CCR1: variants seen among roughly 807,000 people sequenced by gnomAD.
CCR1 encodes the protein C-C motif chemokine receptor 1.
A neutral mutation model predicts 0.3 loss-of-function variants in CCR1; 1 was observed. The observed-to-expected ratio is 3.70, with a 90% CI of 1.31 to 17.54. CCR1 has a LOEUF of 17.54. Ranked by LOEUF, CCR1 falls within the 30% of genes most tolerant of loss-of-function variation. The pLI is 0.11. For missense variants in CCR1, 349 were observed against 435.4 expected, an observed-to-expected ratio of 0.80 and a Z score of 1.77; for synonymous variants, 207 against 182.5, an observed-to-expected ratio of 1.13 and a Z score of -1.08.
rs201272937 is a variant in CCR1, at chr3:46,202,886, T to G, written c.*360A>C. On this transcript the variant is annotated 3_prime_UTR_variant, in exon 2 of 2. Transcript: ENST00000296140. The stretch of plus-strand genomic sequence containing the variant: ...GAGCCCACAGTCACCACTACTGGGT[T>G]TAATTGGTTTGTGCAAGCAATAGTG... 6 of 188,598 alleles carry G rather than the reference T, an allele frequency of 3.2e-5. No homozygotes were observed. Among genetic ancestry groups the G allele is most frequent in the Non-Finnish European group, 5.5e-5 (5 of 90,718 alleles). 11.7% of individuals were successfully genotyped at this position (188,598 alleles called of 1,614,324 possible).
Position 46,203,705 on chromosome 3 carries a change from C to T in CCR1, c.609G>A (p.Leu203=). 2 of 1,614,192 alleles carry T rather than the reference C, an allele frequency of 1.2e-6. No individual in the cohort carries two copies. The highest frequency in any genetic ancestry group is 1.7e-6 in the Non-Finnish European group (2 of 1,180,022). Reference sequence around the variant, plus strand: ...AAGGCAATACCAGCCCAAAGAGGTTCAGTTTCAGAGCCTGAAACAGCTTCC... The same window carrying T: ...AAGGCAATACCAGCCCAAAGAGGTTTAGTTTCAGAGCCTGAAACAGCTTCC... ...REWKLFQALK[L]NLFGLVLPLL... Residue 203 remains leucine, a synonymous_variant, in exon 2 of 2, where the codon CTG becomes CTA. Coordinates refer to ENST00000296140, the MANE Select transcript of CCR1 (RefSeq NM_001295.3). The surrounding 1 kb of genome is among the most constrained non-coding windows in gnomAD (Gnocchi z 4.5).
rs558000234 is a variant in CCR1 at position 46,204,221 on chromosome 3, G to T, written c.93C>A (p.Ala31=). The part of the protein sequence containing the change: ...ATPCQKVNER[A]FGAQLLPPLY... ...GAGGGGGCAGCAGTTGGGCCCCAAAGGCCCTCTCGTTCACCTTCTGGCACG... is the reference window on the plus strand; with the variant it reads ...GAGGGGGCAGCAGTTGGGCCCCAAATGCCCTCTCGTTCACCTTCTGGCACG... The change falls in exon 2 of 2, where the codon GCC becomes GCA. Residue 31 remains alanine, a synonymous_variant. Transcript: ENST00000296140. The T allele has an allele frequency of 1.2e-6, 2 of 1,613,530 alleles. No individual in the cohort carries two copies. The highest frequency in any genetic ancestry group is 1.3e-5 in the African/African-American group (1 of 74,972).
intron 1 of CCR1, among the ~76,000 whole-genome samples, chr3:46,205,953 A>AC (rs1553641968): frequency 6.6e-6 from 1 of 151,694 alleles, no homozygotes; most frequent in Non-Finnish European, 1.5e-5. Context: ...CCTGTCTCCC[A>AC]CCCCCCTGCC....
At chr3:46,206,624 A>G (rs1437466434) in intron 1 of CCR1, among the ~76,000 whole-genome samples, 4 of 152,188 alleles carry the variant, frequency 2.6e-5, no homozygotes, top group Admixed American at 2.6e-4. Context: ...TTGAGTCAAC[A>G]TTGTCAGGTG....
Position 46,203,543 on chromosome 3 carries a change from C to A in CCR1, c.771G>T (p.Leu257Phe). The A allele has an allele frequency of 6.2e-7, 1 of 1,614,066 alleles. No homozygotes were observed. Among genetic ancestry groups the A allele is most frequent in the South Asian group, 1.1e-5 (1 of 91,044 alleles). ...IFFLFWTPYN[L>F]TILISVFQDF... Reference sequence around the variant, plus strand: ...CTTGGAAAACAGAAATAAGTATAGTCAAATTGTAGGGGGTCCAAAAGAGAA... The same window carrying A: ...CTTGGAAAACAGAAATAAGTATAGTAAAATTGTAGGGGGTCCAAAAGAGAA... The change falls in exon 2 of 2, where the codon TTG becomes TTT. Residue 257 changes from leucine to phenylalanine, a missense_variant. Transcript: ENST00000296140. The surrounding 1 kb of genome is among the most constrained non-coding windows in gnomAD (Gnocchi z 4.5).
At chr3:46,204,887 C>T in intron 1 of CCR1, among the ~76,000 whole-genome samples, 1 of 152,166 alleles carries the variant, frequency 6.6e-6, no homozygotes, top group East Asian at 1.9e-4. Flanking sequence ...TGCTGCTGTC[C>T]CCGAGCAGTA....
chr3:46,204,333 T>TA lies in CCR1; in HGVS notation c.-11-10dup, dbSNP rs58092235. The TA allele has an allele frequency of 0.029, 36,951 of 1,273,226 alleles. 73 individuals are homozygous for TA. Among genetic ancestry groups the TA allele is most frequent in the African/African-American group, 0.063 (4,122 of 65,000 alleles). 78.9% of individuals were successfully genotyped at this position (1,273,226 alleles called of 1,614,324 possible). ...TTCCATCCCGGCTTCTCCTACAGGT[T>TA]AAAAAAAAAAAAAAGATTTGTCTTT... On this transcript the variant is annotated splice_polypyrimidine_tract_variant and intron_variant, in intron 1 of 1. Coordinates refer to ENST00000296140, the MANE Select transcript of CCR1 (RefSeq NM_001295.3).
chr3:46,203,127 G>A lies in CCR1; in HGVS notation c.*119C>T, dbSNP rs1335974054. ...CCATTACATTCCCTCTCTATCCCAA[G>A]TGGCTGTGACTCCATGCTGTGCCAA... On this transcript the variant is annotated 3_prime_UTR_variant, in exon 2 of 2. Transcript: ENST00000296140. The surrounding 1 kb of genome is among the most constrained non-coding windows in gnomAD (Gnocchi z 4.5). The A allele has an allele frequency of 3.0e-6, 2 of 671,446 alleles. No individual in the cohort carries two copies. Among genetic ancestry groups the A allele is most frequent in the East Asian group, 5.4e-5 (2 of 37,074 alleles). 41.6% of individuals were successfully genotyped at this position (671,446 alleles called of 1,614,324 possible).
At position 46,204,288 on chromosome 3, in the gene CCR1, T is replaced by A; in HGVS notation, c.26A>T (p.Asp9Val). Residue 9 changes from aspartate (D) to valine (V), a missense_variant, in exon 2 of 2, where the codon GAC becomes GTC. Transcript: ENST00000296140. Reference protein sequence around the residue: METPNTTEDYDTTTEFDYG... With the variant: METPNTTEVYDTTTEFDYG... ...GTCAAACTCTGTGGTCGTGTCATAG[T>A]CCTCTGTGGTGTTTGGAGTTTCCAT... 6.3e-7 allele frequency: 1 copy of A among 1,593,206 alleles called. No individual in the cohort carries two copies. The highest frequency in any genetic ancestry group is 8.5e-7 in the Non-Finnish European group (1 of 1,171,156).
At position 46,202,114 on chromosome 3, in the gene CCR1, C is replaced by G. The variant is rs201375710; in HGVS notation, c.*1132G>C. Reference sequence around the variant, plus strand: ...TTTGAGTTAAGGGCCTTCTCGGCCTCCTACATCAACACAGAATCTCACCCC... The same window carrying G: ...TTTGAGTTAAGGGCCTTCTCGGCCTGCTACATCAACACAGAATCTCACCCC... On this transcript the variant is annotated 3_prime_UTR_variant, in exon 2 of 2. Transcript: ENST00000296140. 6 of 152,160 alleles carry G rather than the reference C, an allele frequency of 3.9e-5. No homozygotes were observed. Among genetic ancestry groups the G allele is most frequent in the African/African-American group, 1.4e-4 (6 of 41,426 alleles). 9.4% of individuals were successfully genotyped at this position (152,160 alleles called of 1,614,324 possible).
rs1413126390 is a variant in CCR1 at position 46,202,462 on chromosome 3, A to G, written c.*784T>C. On this transcript the variant is annotated 3_prime_UTR_variant, in exon 2 of 2. Coordinates refer to ENST00000296140, the MANE Select transcript of CCR1 (RefSeq NM_001295.3). ...TGGAAATGATGAGTCCCTCCCCTTT[A>G]TGGCTATTTTAAGAAGCACACCATG... The G allele has an allele frequency of 2.0e-5, 3 of 152,132 alleles. No homozygotes were observed. The highest frequency in any genetic ancestry group is 2.1e-4 in the South Asian group (1 of 4,826). 9.4% of individuals were successfully genotyped at this position (152,132 alleles called of 1,614,324 possible).
At chr3:46,207,677 G>C (rs752366145) in intron 1 of CCR1, among the ~76,000 whole-genome samples, 1 of 146,296 alleles carries the variant, frequency 6.8e-6, no homozygotes, top group Non-Finnish European at 1.5e-5. Context: ...ACAGACTCTT[G>C]CTCTGTCGCC....
intron 1 of CCR1, among the ~76,000 whole-genome samples, chr3:46,207,901 A>G (rs990387165): frequency 2.6e-5 from 4 of 152,086 alleles, no homozygotes; most frequent in African/African-American, 7.2e-5. Flanking sequence ...CGGTCTCCCA[A>G]AGTGCTGGGA....
In CCR1 at chr3:46,202,910, T is replaced by C. The variant is rs1011766305; in HGVS notation, c.*336A>G. 27 of 237,752 alleles carry C rather than the reference T, an allele frequency of 1.1e-4. No individual in the cohort carries two copies. Among genetic ancestry groups the C allele is most frequent in the African/African-American group, 5.2e-4 (23 of 44,288 alleles). The allele number at this position is 237,752 out of a possible 1,614,324, so 14.7% of individuals were successfully genotyped here. A position where few individuals can be genotyped will look rare whatever the true frequency, so the allele number is the denominator to read the frequency against. On this transcript the variant is annotated 3_prime_UTR_variant, in exon 2 of 2. Coordinates refer to ENST00000296140, the MANE Select transcript of CCR1 (RefSeq NM_001295.3). ...TTTAATTGGTTTGTGCAAGCAATAGTGGGAAGTGGGTGACTTTGTTGACAA... is the reference window on the plus strand; with the variant it reads ...TTTAATTGGTTTGTGCAAGCAATAGCGGGAAGTGGGTGACTTTGTTGACAA...
chr3:46,205,668 T>A (rs979429434), intron 1 of CCR1, among the ~76,000 whole-genome samples: 1 of 152,204 alleles, frequency 6.6e-6, no homozygotes, highest in Admixed American at 6.5e-5. Flanking sequence ...TCTCTGAGCT[T>A]CATTCCTCAT....
At chr3:46,205,295 T>C (rs964376858) in intron 1 of CCR1, among the ~76,000 whole-genome samples, 16 of 152,132 alleles carry the variant, frequency 1.1e-4, no homozygotes, top group African/African-American at 3.4e-4. Flanking sequence ...TTTGCAGACC[T>C]CCTGAAGGAG....
At chr3:46,205,510 T>G (rs1041585851) in intron 1 of CCR1, among the ~76,000 whole-genome samples, 4 of 152,162 alleles carry the variant, frequency 2.6e-5, no homozygotes, top group African/African-American at 7.2e-5. Flanking sequence ...AGAATCACTC[T>G]GTAGGTTGCC....
chr3:46,203,086 CAG>C lies in CCR1; in HGVS notation c.*158_*159del. On this transcript the variant is annotated 3_prime_UTR_variant, in exon 2 of 2. Coordinates refer to ENST00000296140, the MANE Select transcript of CCR1 (RefSeq NM_001295.3). This position sits in a 1 kb window ranked among gnomAD's most constrained non-coding sequence, Gnocchi z 4.5. Reference sequence around the variant, plus strand: ...GAAAAGACTGAAGCCCCAGAAGCCTCAGAAGCCCCAGGCCACCATTACATTCC... The same window carrying C: ...GAAAAGACTGAAGCCCCAGAAGCCTCAAGCCCCAGGCCACCATTACATTCC... The C allele has an allele frequency of 1.7e-6, 1 of 572,560 alleles. No individual in the cohort carries two copies. The highest frequency in any genetic ancestry group is 3.1e-6 in the Non-Finnish European group (1 of 324,284). The allele number at this position is 572,560 out of a possible 1,614,324, so 35.5% of individuals were successfully genotyped here.
Position 46,203,546 on chromosome 3 carries a change from A to G in CCR1, c.768T>C (p.Asn256=), listed in dbSNP as rs754174456. The change falls in exon 2 of 2, where the codon AAT becomes AAC. Residue 256 remains asparagine (N), a synonymous_variant. Coordinates refer to ENST00000296140, the MANE Select transcript of CCR1 (RefSeq NM_001295.3). The surrounding 1 kb of genome is among the most constrained non-coding windows in gnomAD (Gnocchi z 4.5). ...GGAAAACAGAAATAAGTATAGTCAA[A>G]TTGTAGGGGGTCCAAAAGAGAAAAA... is the stretch of plus-strand genomic sequence containing the variant. ...IIFFLFWTPY[N]LTILISVFQD... The G allele has an allele frequency of 1.2e-6, 2 of 1,614,150 alleles. No homozygotes were observed. The highest frequency in any genetic ancestry group is 1.3e-5 in the African/African-American group (1 of 75,042).
Sources: allele counts gnomAD v4.1 joint callset (sites outside exome capture counted in the v4.1 genomes callset), GRCh38; gene constraint gnomAD v4.1.1; non-coding constraint Gnocchi (gnomAD v3.1); transcripts MANE v1.5; gene names NCBI Gene and HGNC (gene_info 2026-07-23, HGNC 2026-07-21).